The following SYT17 variants were observed in gnomAD, a reference collection of about 807,000 sequenced individuals.
SYT17 encodes the protein synaptotagmin-17.
In SYT17, 22 loss-of-function variants were observed where a neutral mutation model predicts 46.7. The observed-to-expected ratio is 0.47, with a 90% CI of 0.34 to 0.67. The LOEUF is 0.67. Among genes scored for constraint, SYT17 ranks in the 30% least tolerant of loss-of-function variants. The pLI is 0.01. For missense variants in SYT17, 519 were observed against 612.8 expected (o/e 0.85, Z 1.62); for synonymous variants, 251 against 248.4 (o/e 1.01, Z -0.10).
At chr16:19,189,652 AT>A (rs1159118980) in intron 5 of SYT17, among the ~76,000 whole-genome samples, 2 of 152,154 alleles carry the variant, frequency 1.3e-5, no homozygotes, top group Admixed American at 1.3e-4. Flanking sequence ...AGCTGCCCTG[AT>A]TGCTGATTTT....
chr16:19,211,184 G>C, intron 5 of SYT17: 1 of 454,614 alleles, frequency 2.2e-6, no homozygotes, highest in Non-Finnish European at 3.9e-6. Flanking sequence ...AAGGAAATGA[G>C]GCCTGTTTAT....
chr16:19,207,860 T>C (rs1418269801), intron 5 of SYT17, among the ~76,000 whole-genome samples: 1 of 151,744 alleles, frequency 6.6e-6, no homozygotes, highest in Admixed American at 6.6e-5. Flanking sequence ...ATCACACCAC[T>C]GCACTCCAGC....
rs1016525955 is a variant in SYT17 at position 19,168,693 on chromosome 16, T to C, written c.15+32T>C. The C allele has an allele frequency of 6.7e-7, 1 of 1,483,600 alleles. No homozygotes were observed. Among genetic ancestry groups the C allele is most frequent in the African/African-American group, 1.5e-5 (1 of 67,706 alleles). The allele number at this position is 1,483,600 out of a possible 1,614,324, so 91.9% of individuals were successfully genotyped here. On this transcript the variant is annotated intron_variant, in intron 1 of 7. Transcript: ENST00000355377. This position sits in a 1 kb window ranked among gnomAD's most constrained non-coding sequence, Gnocchi z 6.9. ...CTGAGGCTGGGGGCAAGGTCCGGGG[T>C]GCGGGTAGGGGGTGCCGCGCCCCCT...
At chr16:19,170,056 G>C (rs916305428) in intron 1 of SYT17, 1 of 152,174 alleles carries the variant, frequency 6.6e-6, no homozygotes, top group African/African-American at 2.4e-5. Flanking sequence ...ATATGGCGAT[G>C]ACCCAGTGAT....
At position 19,252,504 on chromosome 16, in the gene SYT17, TAC is replaced by T. The variant is rs1254947465; in HGVS notation, c.1229-14374_1229-14373del. 1.8e-4 allele frequency among the ~76,000 whole-genome samples: 8 copies of T among 44,604 alleles called. 1 individual carries two copies. The highest frequency in any genetic ancestry group is 2.7e-4 in the Non-Finnish European group (8 of 29,762). 29.3% of individuals were successfully genotyped at this position (44,604 alleles called of 152,430 possible). On this transcript the variant is annotated intron_variant, in intron 7 of 7. Coordinates refer to ENST00000355377, the MANE Select transcript of SYT17 (RefSeq NM_016524.4). Reference sequence around the variant, plus strand: ...ATACATATATATATACATATATATATACATATATATATACATATATATATACA... The same window carrying T: ...ATACATATATATATACATATATATATATATATATATACATATATATATACA...
chr16:19,205,438 C>CTT (rs34776896), intron 5 of SYT17, among the ~76,000 whole-genome samples: 5,200 of 133,044 alleles, frequency 0.039, 352 homozygotes, highest in African/African-American at 0.13. Context: ...CCTTCCTTGA[C>CTT]TTTTTTTTTT....
chr16:19,264,671 G>A (rs747662730), intron 7 of SYT17, among the ~76,000 whole-genome samples: 15 of 151,466 alleles, frequency 9.9e-5, no homozygotes, highest in Non-Finnish European at 1.3e-4. Context: ...CATCACTGCA[G>A]CCTTGACTTC....
intron 7 of SYT17, among the ~76,000 whole-genome samples, chr16:19,238,418 G>A (rs1966878690): frequency 6.6e-6 from 1 of 152,220 alleles, no homozygotes; most frequent in Non-Finnish European, 1.5e-5. Flanking sequence ...TAGAAGCATA[G>A]ACCTGACCTG....
chr16:19,248,663 A>C (rs1227733519), intron 7 of SYT17, among the ~76,000 whole-genome samples: 1 of 152,154 alleles, frequency 6.6e-6, no homozygotes, highest in Non-Finnish European at 1.5e-5. Context: ...TCTACTAAAA[A>C]TACAAAAAAT....
chr16:19,247,799 C>A (rs1307273172), intron 7 of SYT17, among the ~76,000 whole-genome samples: 1 of 152,138 alleles, frequency 6.6e-6, no homozygotes, highest in African/African-American at 2.4e-5. Flanking sequence ...ATAGACAAAG[C>A]AGTTCTAAAG....
At chr16:19,171,322 G>GATGATT (rs565279104) in intron 1 of SYT17, 39 of 68,096 alleles carry the variant, frequency 5.7e-4, no homozygotes, top group Admixed American at 8.9e-4. Flanking sequence ...TGATGATGAT[G>GATGATT]ATGATTATGA....
At chr16:19,262,696 T>G (rs545145957) in intron 7 of SYT17, among the ~76,000 whole-genome samples, 52 of 152,286 alleles carry the variant, frequency 3.4e-4, no homozygotes, top group African/African-American at 1.3e-3. Context: ...TTAGAGGACG[T>G]TGGTCATATA....
At chr16:19,257,849 A>G (rs1968687596) in intron 7 of SYT17, among the ~76,000 whole-genome samples, 1 of 152,144 alleles carries the variant, frequency 6.6e-6, no homozygotes, top group Non-Finnish European at 1.5e-5. Context: ...AGAGTTGCAT[A>G]TGGGAGCAGT....
At chr16:19,205,853 C>T (rs1965650367) in intron 5 of SYT17, among the ~76,000 whole-genome samples, 1 of 152,206 alleles carries the variant, frequency 6.6e-6, no homozygotes, top group South Asian at 2.1e-4. Flanking sequence ...TTCTTCCTAG[C>T]ACTTAACTGC....
At chr16:19,173,119 T>G in intron 2 of SYT17, 1 of 538,684 alleles carries the variant, frequency 1.9e-6, no homozygotes, top group South Asian at 2.7e-5. Flanking sequence ...CTTATGATGT[T>G]GTATAAACCA....
chr16:19,183,677 C>T lies in SYT17; in HGVS notation c.481C>T (p.Leu161=). The T allele has an allele frequency of 1.2e-6, 2 of 1,614,232 alleles. No homozygotes were observed. The highest frequency in any genetic ancestry group is 1.7e-6 in the Non-Finnish European group (2 of 1,180,050). The part of the protein sequence containing the change: ...DDYFRKFEPH[L]YSLDSNSDDV... ...CTATTTCAGGAAGTTCGAACCCCAC[C>T]TGTACTCCCTCGACTCCAACAGCGA... is the stretch of plus-strand genomic sequence containing the variant. The change falls in exon 5 of 8, where the codon CTG becomes TTG. Residue 161 remains leucine, a synonymous_variant. Coordinates refer to ENST00000355377, the MANE Select transcript of SYT17 (RefSeq NM_016524.4). The surrounding 1 kb of genome is among the most constrained non-coding windows in gnomAD (Gnocchi z 5.6).
At chr16:19,241,435 C>T (rs754272456) in intron 7 of SYT17, among the ~76,000 whole-genome samples, 8 of 152,184 alleles carry the variant, frequency 5.3e-5, no homozygotes, top group African/African-American at 1.7e-4. Context: ...CCAGGAAGCT[C>T]CCTCCCTGCC....
Position 19,173,553 on chromosome 16 carries a change from T to C in SYT17, c.157T>C (p.Phe53Leu). 1.2e-6 allele frequency: 2 copies of C among 1,614,106 alleles called. No homozygotes were observed. Among genetic ancestry groups the C allele is most frequent in the East Asian group, 2.2e-5 (1 of 44,884 alleles). Residue 53 changes from phenylalanine (F) to leucine (L), a missense_variant, in exon 3 of 8, where the codon TTC (phenylalanine) becomes CTC (leucine). By Grantham distance (22) the Phe-to-Leu change is conservative. Coordinates refer to ENST00000355377, the MANE Select transcript of SYT17 (RefSeq NM_016524.4). Reference protein sequence around the residue: ...SEDEVEILGPFPAQTPPWLMA... With the variant: ...SEDEVEILGPLPAQTPPWLMA... ...GGATGAAGTTGAAATTCTGGGACCT[T>C]TCCCTGCTCAGACCCCTCCCTGGCT...
At chr16:19,169,060 G>A (rs1006905137) in intron 1 of SYT17, among the ~76,000 whole-genome samples, 1 of 152,006 alleles carries the variant, frequency 6.6e-6, no homozygotes, top group African/African-American at 2.4e-5. Flanking sequence ...TGACGGCTCC[G>A]GCTAATTGGC....
Sources: gnomAD v4.1 joint callset for allele counts (sites outside exome capture counted in the v4.1 genomes callset) on GRCh38, gnomAD v4.1.1 for gene constraint, Gnocchi (gnomAD v3.1) non-coding constraint, MANE v1.5 for transcripts, NCBI Gene and HGNC (gene_info 2026-07-23, HGNC 2026-07-21) for gene names.